Variants in ASTN2 observed in about 807,000 individuals in gnomAD.
The protein encoded by ASTN2 is astrotactin 2, also known as astrotactin-2.
In ASTN2, 54 loss-of-function variants were observed where a neutral mutation model predicts 139.8. That is an observed-to-expected ratio of 0.39 (90% CI 0.31 to 0.48). The LOEUF is 0.48. ASTN2 is among the 20% of genes least tolerant of loss of function. The pLI, the probability that ASTN2 is intolerant of heterozygous loss-of-function variation, is 0.95. For synonymous variants in ASTN2, 756 were observed against 719.5 expected (o/e 1.05, Z -0.81); for missense variants, 1,565 against 1,725.1 (o/e 0.91, Z 1.64).
intron 16 of ASTN2, among the ~76,000 whole-genome samples, chr9:116,657,891 T>C (rs1355093267): frequency 1.3e-5 from 2 of 150,340 alleles, no homozygotes; most frequent in Non-Finnish European, 3.0e-5. Context: ...TAGCAAGATT[T>C]TTTTTTTTTT....
In ASTN2 at chr9:117,057,283, G is replaced by A. The variant is rs547981316; in HGVS notation, c.1277-17318C>T. On this transcript the variant is annotated intron_variant, in intron 5 of 22. Coordinates refer to ENST00000313400, the MANE Select transcript of ASTN2 (RefSeq NM_001365068.1). ...AAAATGCTTCCTACCCCACCCCCAG[G>A]GACTCTCAGCTCCTTGCGCTGAAAT... Among the ~76,000 whole-genome samples the A allele has an allele frequency of 3.1e-3, 475 of 152,128 alleles. 1 individual carries two copies. The highest frequency in any genetic ancestry group is 0.02 in the Middle Eastern group (6 of 294).
intron 7 of ASTN2, among the ~76,000 whole-genome samples, chr9:116,985,504 G>A (rs930313154): frequency 1.1e-4 from 17 of 152,314 alleles, no homozygotes; most frequent in South Asian, 2.1e-4. Context: ...CCTGCTCCAG[G>A]TTCTCAGCCA....
intron 1 of ASTN2, among the ~76,000 whole-genome samples, chr9:117,374,872 G>A (rs991624247): frequency 6.6e-6 from 1 of 152,130 alleles, no homozygotes; most frequent in Non-Finnish European, 1.5e-5. Flanking sequence ...CTGACTATCT[G>A]GACAAACCGA....
At chr9:116,535,538 T>C (rs1278571573) in intron 19 of ASTN2, among the ~76,000 whole-genome samples, 1 of 152,184 alleles carries the variant, frequency 6.6e-6, no homozygotes, top group Non-Finnish European at 1.5e-5. Flanking sequence ...GGAGCTCTTG[T>C]AGGGCAGGCC....
intron 19 of ASTN2, among the ~76,000 whole-genome samples, chr9:116,616,728 T>C (rs1216830873): frequency 6.6e-6 from 1 of 152,092 alleles, no homozygotes; most frequent in Admixed American, 6.6e-5. Flanking sequence ...CCCTTGGTTA[T>C]CTGTGGTTTA....
chr9:116,848,748 G>A (rs995990716), intron 11 of ASTN2, among the ~76,000 whole-genome samples: 3 of 152,132 alleles, frequency 2.0e-5, no homozygotes, highest in African/African-American at 7.2e-5. Flanking sequence ...AGAAGTGTGT[G>A]GCAATTTCTC....
chr9:117,180,428 G>C (rs1300058941), intron 3 of ASTN2, among the ~76,000 whole-genome samples: 3 of 152,090 alleles, frequency 2.0e-5, no homozygotes, highest in Non-Finnish European at 4.4e-5. Context: ...TGGGTTCACT[G>C]ATGAGCTTAT....
intron 3 of ASTN2, among the ~76,000 whole-genome samples, chr9:117,164,099 G>C (rs1328469791): frequency 3.9e-5 from 6 of 152,068 alleles, no homozygotes; most frequent in African/African-American, 1.2e-4. Flanking sequence ...ATAAAGATCT[G>C]TCTTGAAATA....
rs368228859 is a variant in ASTN2 at position 117,269,212 on chromosome 9, C to A, written c.630+22114G>T. The stretch of plus-strand genomic sequence containing the variant: ...TTACATTTCAGCAAAAGACGCTAGA[C>A]CACGGAGTGTGGCATGGGGTGTAAT... On this transcript the variant is annotated intron_variant, in intron 2 of 22. Transcript: ENST00000313400. Among the ~76,000 whole-genome samples the A allele has an allele frequency of 1.1e-4, 16 of 152,284 alleles. No homozygotes were observed. In the East Asian group the frequency reaches 2.3e-3, roughly 22 times the overall value.
At chr9:117,306,619 CTG>C (rs1292943145) in intron 1 of ASTN2, among the ~76,000 whole-genome samples, 1 of 152,180 alleles carries the variant, frequency 6.6e-6, no homozygotes, top group Non-Finnish European at 1.5e-5. Context: ...TGATCTCACA[CTG>C]TCTTAATGGA....
intron 6 of ASTN2, among the ~76,000 whole-genome samples, chr9:117,027,234 A>G (rs908163562): frequency 3.3e-5 from 5 of 152,140 alleles, no homozygotes; most frequent in African/African-American, 1.2e-4. Flanking sequence ...GGTAGCATCT[A>G]TTATCTATTA....
chr9:116,848,274 C>T (rs929855246), intron 11 of ASTN2, among the ~76,000 whole-genome samples: 7 of 152,164 alleles, frequency 4.6e-5, no homozygotes, highest in African/African-American at 1.7e-4. Flanking sequence ...TTTCAGAAGC[C>T]TCATGTCCTA....
intron 2 of ASTN2, among the ~76,000 whole-genome samples, chr9:117,235,691 G>A (rs968371707): frequency 1.3e-5 from 2 of 152,092 alleles, no homozygotes; most frequent in African/African-American, 4.8e-5. Context: ...GTGGGTACTT[G>A]TCTTGTATGC....
At chr9:117,316,455 C>G (rs891986347) in intron 1 of ASTN2, among the ~76,000 whole-genome samples, 6 of 152,142 alleles carry the variant, frequency 3.9e-5, no homozygotes, top group African/African-American at 1.4e-4. Flanking sequence ...TTTCTTCACT[C>G]TCTCCCTCAT....
intron 2 of ASTN2, among the ~76,000 whole-genome samples, chr9:117,274,822 G>A (rs906314503): frequency 3.9e-5 from 6 of 152,176 alleles, no homozygotes; most frequent in Non-Finnish European, 8.8e-5. Context: ...TGAGTTAGTT[G>A]TTCTTCCAAT....
At chr9:117,222,771 G>A (rs76366713) in intron 2 of ASTN2, among the ~76,000 whole-genome samples, 2,243 of 152,020 alleles carry the variant, frequency 0.015, 58 homozygotes, top group African/African-American at 0.051. Context: ...ACAGCGCTTC[G>A]CCTTAACCCT....
chr9:116,968,032 G>A (rs1836068373), intron 10 of ASTN2, among the ~76,000 whole-genome samples: 1 of 152,118 alleles, frequency 6.6e-6, no homozygotes, highest in Non-Finnish European at 1.5e-5. Flanking sequence ...CTCATTCATT[G>A]AATATCAGTT....
In ASTN2 at chr9:117,095,608, C is replaced by T. The variant is rs554321132; in HGVS notation, c.1276+436G>A. 1.5e-4 allele frequency among the ~76,000 whole-genome samples: 23 copies of T among 152,158 alleles called. 1 individual carries two copies. Among genetic ancestry groups the T allele is most frequent in the Non-Finnish European group, 2.8e-4 (19 of 68,022 alleles). On this transcript the variant is annotated intron_variant, in intron 5 of 22. Transcript: ENST00000313400. ...GTACATTTTATTTCTGAGTATGTTT[C>T]CCTTCACACTTTGGCTGCCGGGAAT...
chr9:117,247,751 G>C (rs971003938), intron 2 of ASTN2, among the ~76,000 whole-genome samples: 1 of 152,194 alleles, frequency 6.6e-6, no homozygotes, highest in East Asian at 1.9e-4. Context: ...GAAACAAAAT[G>C]CTTCATTTCT....
Sources: gnomAD v4.1 joint callset for allele counts (sites outside exome capture counted in the v4.1 genomes callset) on GRCh38, gnomAD v4.1.1 for gene constraint, MANE v1.5 for transcripts, NCBI Gene and HGNC (gene_info 2026-07-23, HGNC 2026-07-21) for gene names.